The following AHI1 variants were observed in gnomAD, a reference collection of about 807,000 sequenced individuals.
AHI1 encodes the protein Abelson helper integration site 1.
AHI1 carries 123 observed loss-of-function variants against 149.3 expected under a neutral mutation model. The ratio of observed to expected loss-of-function variants is 0.82; its 90% CI spans 0.71 to 0.96. AHI1 has a LOEUF of 0.96. Among genes scored for constraint, AHI1 ranks in the 40% least tolerant of loss-of-function variants. The pLI is 0.00. For missense variants in AHI1, 1,439 were observed against 1,422.7 expected (o/e 1.01, Z -0.18); for synonymous variants, 475 against 459.8 (o/e 1.03, Z -0.42).
intron 24 of AHI1, among the ~76,000 whole-genome samples, chr6:135,334,941 G>GC (rs1458562153): frequency 2.0e-5 from 3 of 152,152 alleles, no homozygotes; most frequent in Non-Finnish European, 4.4e-5. Flanking sequence ...CTGTGTTTTA[G>GC]CAAGTCTTTC....
chr6:135,416,818 G>A (rs1782450511), intron 20 of AHI1, among the ~76,000 whole-genome samples: 2 of 152,020 alleles, frequency 1.3e-5, no homozygotes, highest in South Asian at 4.1e-4. Context: ...CCCTGCTAGT[G>A]AGTACCAAAG....
intron 25 of AHI1, among the ~76,000 whole-genome samples, chr6:135,319,107 T>G (rs1365514419): frequency 6.6e-6 from 1 of 152,176 alleles, no homozygotes; most frequent in South Asian, 2.1e-4. Flanking sequence ...GATGTGGGGA[T>G]GGAAAATGCT....
chr6:135,367,719 C>T (rs1475384752), intron 23 of AHI1, among the ~76,000 whole-genome samples: 1 of 151,744 alleles, frequency 6.6e-6, no homozygotes, highest in Non-Finnish European at 1.5e-5. Flanking sequence ...TGTTTTTTTT[C>T]ATGCTGCTTC....
chr6:135,382,743 A>G (rs1776938776), intron 23 of AHI1, among the ~76,000 whole-genome samples: 1 of 151,760 alleles, frequency 6.6e-6, no homozygotes, highest in Non-Finnish European at 1.5e-5. Flanking sequence ...TAATTTTTTA[A>G]AAAGTTACTC....
At chr6:135,351,135 C>CAAAAAAAAAAAAAAAAA (rs1183574427) in intron 24 of AHI1, among the ~76,000 whole-genome samples, 13 of 131,280 alleles carry the variant, frequency 9.9e-5, no homozygotes, top group African/African-American at 4.0e-4. Context: ...AAACAAAAAA[C>CAAAAAAAAAAAAAAAAA]AAAAAAAACA....
chr6:135,300,180 C>G (rs1397335870), intron 27 of AHI1, among the ~76,000 whole-genome samples: 2 of 151,946 alleles, frequency 1.3e-5, no homozygotes, highest in African/African-American at 4.8e-5. Flanking sequence ...CAAAAATTAG[C>G]TGGGTGCGGA....
chr6:135,379,950 T>G (rs1582922769), intron 23 of AHI1, among the ~76,000 whole-genome samples: 2 of 67,486 alleles, frequency 3.0e-5, no homozygotes, highest in Non-Finnish European at 2.8e-5. Flanking sequence ...CCCTCCCTCC[T>G]TCCCCTTCTC....
intron 21 of AHI1, among the ~76,000 whole-genome samples, chr6:135,408,888 G>A (rs1781185304): frequency 6.6e-6 from 1 of 152,016 alleles, no homozygotes; most frequent in Non-Finnish European, 1.5e-5. Context: ...ATTTATCTTT[G>A]AGAAAAATTT....
intron 23 of AHI1, among the ~76,000 whole-genome samples, chr6:135,381,352 AAC>A (rs1171264060): frequency 6.6e-6 from 1 of 152,212 alleles, no homozygotes; most frequent in East Asian, 1.9e-4. Context: ...TATACACAAT[AAC>A]ACATATACAT....
chr6:135,431,002 G>A (rs1784572941), intron 17 of AHI1, among the ~76,000 whole-genome samples: 1 of 151,920 alleles, frequency 6.6e-6, no homozygotes, highest in Non-Finnish European at 1.5e-5. Flanking sequence ...ATTAACACCT[G>A]GCCAAAATTT....
At chr6:135,390,681 C>G (rs553844662) in intron 23 of AHI1, among the ~76,000 whole-genome samples, 1 of 152,122 alleles carries the variant, frequency 6.6e-6, no homozygotes, top group African/African-American at 2.4e-5. Context: ...AACATGTCAG[C>G]CTCTCTGATT....
chr6:135,370,388 C>T (rs1334994332), intron 23 of AHI1, among the ~76,000 whole-genome samples: 1 of 152,214 alleles, frequency 6.6e-6, no homozygotes, highest in Non-Finnish European at 1.5e-5. Context: ...AGTGCTTAAG[C>T]TTCAAAAGTC....
chr6:135,461,123 C>T (rs1433545160), intron 8 of AHI1, among the ~76,000 whole-genome samples: 1 of 151,932 alleles, frequency 6.6e-6, no homozygotes, highest in Non-Finnish European at 1.5e-5. Context: ...AATAATCAAA[C>T]CAGAGTAGGA....
chr6:135,320,966 T>C (rs1399235097), intron 25 of AHI1, among the ~76,000 whole-genome samples: 1 of 152,354 alleles, frequency 6.6e-6, no homozygotes, highest in Admixed American at 6.5e-5. Context: ...GCTGAGCTTA[T>C]GGAACTTATA....
intron 23 of AHI1, among the ~76,000 whole-genome samples, chr6:135,364,480 C>T (rs1794572673): frequency 1.3e-5 from 2 of 150,632 alleles, no homozygotes; most frequent in East Asian, 3.9e-4. Flanking sequence ...CCTCACTTCC[C>T]AGACGGGGTG....
intron 21 of AHI1, among the ~76,000 whole-genome samples, chr6:135,410,253 C>T (rs1781393643): frequency 1.3e-5 from 2 of 151,988 alleles, no homozygotes; most frequent in Admixed American, 1.3e-4. Flanking sequence ...GCCTACAGTC[C>T]CAGCTACTCA....
chr6:135,492,963 G>A, intron 3 of AHI1: 1 of 962,448 alleles, frequency 1.0e-6, no homozygotes, highest in Non-Finnish European at 1.2e-6. Flanking sequence ...GCATGTTTTT[G>A]AGACTAAAAC....
chr6:135,485,230 T>G (rs1051768219), intron 5 of AHI1, among the ~76,000 whole-genome samples: 1 of 152,022 alleles, frequency 6.6e-6, no homozygotes, highest in Non-Finnish European at 1.5e-5. Flanking sequence ...CACAACATCA[T>G]GCCTGGCTAA....
At chr6:135,449,687 T>A (rs1279715665) in intron 11 of AHI1, among the ~76,000 whole-genome samples, 1 of 150,548 alleles carries the variant, frequency 6.6e-6, no homozygotes, top group African/African-American at 2.4e-5. Flanking sequence ...ACTTGGAAAG[T>A]AAAAAAAAAC....
Sources: gnomAD v4.1 joint callset for allele counts (sites outside exome capture counted in the v4.1 genomes callset) on GRCh38, gnomAD v4.1.1 for gene constraint, MANE v1.5 for transcripts, NCBI Gene and HGNC (gene_info 2026-07-23, HGNC 2026-07-21) for gene names.